RBFOX1: variants seen among roughly 807,000 people sequenced by gnomAD.
RBFOX1 encodes RNA binding fox-1 homolog 1.
RBFOX1 carries 8 observed loss-of-function variants against 57.7 expected under a neutral mutation model. The ratio of observed to expected loss-of-function variants is 0.14; its 90% CI spans 0.08 to 0.25. The LOEUF is 0.25. RBFOX1 is among the 10% of genes least tolerant of loss of function. The pLI is 1.00. For missense variants in RBFOX1, 611 were observed against 548.5 expected (o/e 1.11, Z -1.14); for synonymous variants, 326 against 222.4 (o/e 1.47, Z -4.15).
chr16:6,739,288 A>T (rs1201579570), intron 3 of RBFOX1, among the ~76,000 whole-genome samples: 1 of 152,070 alleles, frequency 6.6e-6, no homozygotes, highest in Non-Finnish European at 1.5e-5. Flanking sequence ...AGAAGGTGAG[A>T]ATATTACTAT....
chr16:6,151,178 G>T (rs188734708), intron 1 of RBFOX1, among the ~76,000 whole-genome samples: 56 of 152,274 alleles, frequency 3.7e-4, no homozygotes, highest in Admixed American at 1.7e-3. Flanking sequence ...TATAGAAGAG[G>T]AGGTGGACAT....
intron 3 of RBFOX1, among the ~76,000 whole-genome samples, chr16:5,844,904 C>G (rs912804620): frequency 1.3e-5 from 2 of 152,020 alleles, no homozygotes; most frequent in African/African-American, 4.8e-5. Context: ...CCTTATTTGC[C>G]GTTAAGAACA....
chr16:5,905,938 C>G lies in RBFOX1; in HGVS notation c.351+38603C>G, dbSNP rs114802450. Among the ~76,000 whole-genome samples the G allele has an allele frequency of 1.5e-3, 232 of 152,302 alleles. 1 individual carries two copies. The highest frequency in any genetic ancestry group is 5.3e-3 in the African/African-American group (219 of 41,568). ...GGAGGATAAGAAGGTTTTCAGCTCT[C>G]TTGTAGTGGGAATTGGCTGCCCAAA... is the stretch of plus-strand genomic sequence containing the variant. On this transcript the variant is annotated intron_variant, in intron 4 of 19. Transcript: ENST00000641259.
At position 6,928,966 on chromosome 16, in the gene RBFOX1, G is replaced by A. The variant is rs575322861; in HGVS notation, c.-15-123091G>A. On this transcript the variant is annotated intron_variant, in intron 3 of 15. Coordinates refer to ENST00000550418, the MANE Select transcript of RBFOX1 (RefSeq NM_018723.4). The stretch of plus-strand genomic sequence containing the variant: ...AGCAGATGTCATCTCATGTCATTGG[G>A]AAGTAAAGATGTTCACGGTGCAAGC... Among the ~76,000 whole-genome samples the A allele has an allele frequency of 2.6e-5, 4 of 152,218 alleles. No individual in the cohort carries two copies. In the East Asian group the frequency reaches 7.7e-4, roughly 29 times the overall value.
At chr16:6,478,429 A>ATATTTT (rs1159954387) in intron 2 of RBFOX1, among the ~76,000 whole-genome samples, 26 of 24,576 alleles carry the variant, frequency 1.1e-3, no homozygotes, top group East Asian at 2.7e-3. Flanking sequence ...ATATATATAT[A>ATATTTT]TTTTTTTTTT....
At chr16:6,842,940 TGTTA>T (rs1455775178) in intron 3 of RBFOX1, among the ~76,000 whole-genome samples, 2 of 152,066 alleles carry the variant, frequency 1.3e-5, no homozygotes, top group East Asian at 1.9e-4. Context: ...TCTGTTCCTG[TGTTA>T]GTTTGCTGAG....
At chr16:6,401,331 C>A (rs368651152) in intron 2 of RBFOX1, among the ~76,000 whole-genome samples, 2 of 152,150 alleles carry the variant, frequency 1.3e-5, no homozygotes, top group East Asian at 3.9e-4. Context: ...TAAGTGTACA[C>A]TGATATAAAT....
At chr16:7,001,418 G>A (rs28608196) in intron 3 of RBFOX1, among the ~76,000 whole-genome samples, 2 of 137,138 alleles carry the variant, frequency 1.5e-5, no homozygotes, top group African/African-American at 2.7e-5. Context: ...ATATGTATAT[G>A]TATATGTATA....
intron 3 of RBFOX1, among the ~76,000 whole-genome samples, chr16:7,017,956 T>C (rs1287785976): frequency 1.3e-5 from 2 of 152,162 alleles, no homozygotes; most frequent in Non-Finnish European, 2.9e-5. Context: ...GTGAATTAGG[T>C]GTGCCCCCTT....
chr16:6,900,393 A>G (rs552476577), intron 3 of RBFOX1, among the ~76,000 whole-genome samples: 21 of 152,324 alleles, frequency 1.4e-4, no homozygotes, highest in Admixed American at 5.2e-4. Context: ...CCCATCAAGG[A>G]AAAAGATTTT....
chr16:7,597,354 G>A lies in RBFOX1; in HGVS notation c.562-17G>A, dbSNP rs1464709105. 1.3e-6 allele frequency: 2 copies of A among 1,594,080 alleles called. No homozygotes were observed. Among genetic ancestry groups the A allele is most frequent in the African/African-American group, 2.7e-5 (2 of 74,142 alleles). ...GGCCCTAGAATATGTGCTTACTTGA[G>A]TTTTCTATGTACATAGGTAAATAAT... On this transcript the variant is annotated splice_polypyrimidine_tract_variant and intron_variant, in intron 8 of 15. Transcript: ENST00000550418.
chr16:5,480,751 T>G (rs2069512464), intron 2 of RBFOX1, among the ~76,000 whole-genome samples: 1 of 152,230 alleles, frequency 6.6e-6, no homozygotes. Context: ...TTGGAGCCCC[T>G]TCCAGATCAG....
intron 3 of RBFOX1, among the ~76,000 whole-genome samples, chr16:6,995,679 G>A (rs549578937): frequency 5.9e-5 from 9 of 152,170 alleles, no homozygotes; most frequent in African/African-American, 2.2e-4. Flanking sequence ...AGAATCACTT[G>A]AACCTGGGAG....
At chr16:7,645,258 T>C (rs1046636792) in intron 11 of RBFOX1, among the ~76,000 whole-genome samples, 2 of 152,170 alleles carry the variant, frequency 1.3e-5, no homozygotes, top group Non-Finnish European at 2.9e-5. Flanking sequence ...TCAATTATGG[T>C]GCGCAGTGTT....
chr16:6,282,551 G>T (rs780949733), intron 1 of RBFOX1, among the ~76,000 whole-genome samples: 3 of 151,652 alleles, frequency 2.0e-5, no homozygotes, highest in Non-Finnish European at 4.4e-5. Flanking sequence ...CACCACCCCC[G>T]ACAGGCCCCA....
At chr16:5,301,690 C>G (rs150779972) in intron 1 of RBFOX1, among the ~76,000 whole-genome samples, 5 of 151,018 alleles carry the variant, frequency 3.3e-5, no homozygotes, top group African/African-American at 1.2e-4. Flanking sequence ...ATCTCCTTAG[C>G]AAATCCTTGA....
chr16:7,064,479 C>A (rs530466765), intron 4 of RBFOX1, among the ~76,000 whole-genome samples: 2 of 151,890 alleles, frequency 1.3e-5, no homozygotes, highest in East Asian at 3.9e-4. Context: ...GGGTGGTGTT[C>A]TTATAAGAAG....
chr16:6,931,986 A>C (rs534117588), intron 3 of RBFOX1, among the ~76,000 whole-genome samples: 1 of 152,266 alleles, frequency 6.6e-6, no homozygotes, highest in South Asian at 2.1e-4. Flanking sequence ...CAAGATAACT[A>C]ACCCACTCCA....
intron 4 of RBFOX1, among the ~76,000 whole-genome samples, chr16:7,391,038 A>G (rs1284324284): frequency 1.3e-5 from 2 of 152,066 alleles, no homozygotes; most frequent in African/African-American, 4.8e-5. Flanking sequence ...CTCATTGGTA[A>G]GCCTTGTTGT....
Sources: allele counts gnomAD v4.1 joint callset (sites outside exome capture counted in the v4.1 genomes callset), GRCh38; gene constraint gnomAD v4.1.1; transcripts MANE v1.5; gene names NCBI Gene and HGNC (gene_info 2026-07-23, HGNC 2026-07-21).